HDAC8: variants seen among roughly 807,000 people sequenced by gnomAD.
The protein encoded by HDAC8 is histone deacetylase-like 1.
A neutral mutation model predicts 32.2 loss-of-function variants in HDAC8; 1 was observed. That is an observed-to-expected ratio of 0.03 (90% confidence interval 0.01 to 0.15). HDAC8 has a LOEUF of 0.15. Among genes scored for constraint, HDAC8 ranks in the 10% least tolerant of loss-of-function variants. The pLI is 1.00. For missense variants in HDAC8, 117 were observed against 300.0 expected, an observed-to-expected ratio of 0.39 and a Z score of 4.51; for synonymous variants, 108 against 113.9, an observed-to-expected ratio of 0.95 and a Z score of 0.33.
chrX:72,448,485 A>G (rs890379667), intron 9 of HDAC8, among the ~76,000 whole-genome samples: 2 of 112,397 alleles, frequency 1.8e-5, no homozygotes, highest in Non-Finnish European at 3.7e-5. Context: ...AAAACTCTAG[A>G]AGAAAACCTA....
rs782491926 is a variant in HDAC8 at position 72,534,143 on chromosome X, C to T, written c.437+33746G>A. On this transcript the variant is annotated intron_variant, in intron 4 of 10. Coordinates refer to ENST00000373573, the MANE Select transcript of HDAC8 (RefSeq NM_018486.3). Reference sequence around the variant, plus strand: ...AAGGAGTCTACTAAAAAAACTATCACTTCTAATAGTTATAGTTCAGCAAGA... The same window carrying T: ...AAGGAGTCTACTAAAAAAACTATCATTTCTAATAGTTATAGTTCAGCAAGA... Among the ~76,000 whole-genome samples the T allele has an allele frequency of 1.0e-4, 11 of 109,773 alleles. No individual in the cohort carries two copies. The East Asian group carries it at 3.1e-3, about 31-fold the overall frequency.
At chrX:72,374,229 T>C (rs1216385750) in intron 9 of HDAC8, among the ~76,000 whole-genome samples, 1 of 111,470 alleles carries the variant, frequency 9.0e-6, no homozygotes, top group Non-Finnish European at 1.9e-5. Flanking sequence ...AAAAAAGTTT[T>C]TGTAGAGATG....
At chrX:72,460,445 T>A (rs2047836817) in intron 9 of HDAC8, among the ~76,000 whole-genome samples, 1 of 111,606 alleles carries the variant, frequency 9.0e-6, no homozygotes, top group African/African-American at 3.3e-5. Flanking sequence ...GCCGAGAACT[T>A]GCATTTTTAA....
At chrX:72,568,102 CA>C in intron 3 of HDAC8, 72 bp from the exon 4 acceptor site, 1 of 978,320 alleles carries the variant, frequency 1.0e-6, no homozygotes. Context: ...TGAGGTGTGA[CA>C]ACAACCTAAC....
intron 4 of HDAC8, among the ~76,000 whole-genome samples, chrX:72,517,383 C>A (rs2049841806): frequency 8.9e-6 from 1 of 111,817 alleles, no homozygotes. Context: ...GTTGTATTTT[C>A]ACTTTCTTGA....
At chrX:72,401,969 G>A (rs920290254) in intron 9 of HDAC8, among the ~76,000 whole-genome samples, 7 of 112,114 alleles carry the variant, frequency 6.2e-5, no homozygotes. Context: ...AAGCAGTGAA[G>A]CCATCTAGTC....
chrX:72,562,191 G>GA lies in HDAC8; in HGVS notation c.437+5697dup, dbSNP rs1465380052. The stretch of plus-strand genomic sequence containing the variant: ...AATCCCACTACTAGGTATCCACCCA[G>GA]AAAAAAAGAAGTCATTATACGAAAA... On this transcript the variant is annotated intron_variant, in intron 4 of 10. Transcript: ENST00000373573. 5.3e-4 allele frequency among the ~76,000 whole-genome samples: 59 copies of GA among 111,555 alleles called. 1 individual carries two copies. Among genetic ancestry groups the GA allele is most frequent in the Non-Finnish European group, 8.3e-4 (44 of 53,047 alleles).
chrX:72,467,399 C>T (rs1227572268), intron 7 of HDAC8: 7 of 111,092 alleles, frequency 6.3e-5, no homozygotes, highest in African/African-American at 2.3e-4. Flanking sequence ...GATTATTGTG[C>T]AATAAAAGTT....
chrX:72,451,862 C>T (rs782116988), intron 9 of HDAC8, among the ~76,000 whole-genome samples: 2 of 111,980 alleles, frequency 1.8e-5, no homozygotes, highest in South Asian at 7.4e-4. Context: ...ATGAGGTGAA[C>T]CCTACTTTCA....
intron 4 of HDAC8, among the ~76,000 whole-genome samples, chrX:72,521,888 T>C (rs971404241): frequency 1.8e-5 from 2 of 111,374 alleles, no homozygotes; most frequent in Non-Finnish European, 3.8e-5. Context: ...TGCGCTCTCA[T>C]GCTGGGCTAG....
At chrX:72,370,551 G>C (rs974399045) in intron 9 of HDAC8, among the ~76,000 whole-genome samples, 1 of 111,745 alleles carries the variant, frequency 8.9e-6, no homozygotes, top group Non-Finnish European at 1.9e-5. Flanking sequence ...AGAAGAGATG[G>C]GGTTTCACCA....
chrX:72,421,392 C>A (rs1160582800), intron 9 of HDAC8, among the ~76,000 whole-genome samples: 1 of 111,396 alleles, frequency 9.0e-6, no homozygotes, highest in African/African-American at 3.3e-5. Flanking sequence ...CCCCTCCCGA[C>A]AGGCTCCAGT....
chrX:72,407,378 G>A (rs1555969013), intron 9 of HDAC8, among the ~76,000 whole-genome samples: 1 of 112,056 alleles, frequency 8.9e-6, no homozygotes, highest in Admixed American at 9.4e-5. Context: ...TTTAATCTGT[G>A]AGGCAGGAAG....
chrX:72,433,531 T>C (rs1410797835), intron 9 of HDAC8, among the ~76,000 whole-genome samples: 1 of 112,176 alleles, frequency 8.9e-6, no homozygotes, highest in East Asian at 2.8e-4. Flanking sequence ...AGCAAGTTTC[T>C]GTTTTGAACA....
At chrX:72,401,620 C>T (rs1433618066) in intron 9 of HDAC8, among the ~76,000 whole-genome samples, 1 of 112,247 alleles carries the variant, frequency 8.9e-6, no homozygotes, top group Non-Finnish European at 1.9e-5. Context: ...TCTCCAATAA[C>T]TAATGATGTT....
chrX:72,532,127 G>A (rs781866413), intron 4 of HDAC8, among the ~76,000 whole-genome samples: 83 of 110,900 alleles, frequency 7.5e-4, no homozygotes, highest in Middle Eastern at 9.3e-3. Flanking sequence ...TGTTGCCCAG[G>A]CTAGCATGCA....
chrX:72,349,839 A>G (rs782183422), intron 10 of HDAC8, among the ~76,000 whole-genome samples: 25 of 111,862 alleles, frequency 2.2e-4, no homozygotes, highest in Admixed American at 3.8e-4. Context: ...ACATATCTGC[A>G]CATATGGAGG....
chrX:72,450,986 T>G (rs1447002010), intron 9 of HDAC8, among the ~76,000 whole-genome samples: 2 of 111,532 alleles, frequency 1.8e-5, no homozygotes, highest in Non-Finnish European at 3.8e-5. Context: ...GCATTTTAGA[T>G]TTTGAATTTC....
At chrX:72,383,220 T>C (rs1253443451) in intron 9 of HDAC8, among the ~76,000 whole-genome samples, 2 of 112,167 alleles carry the variant, frequency 1.8e-5, no homozygotes, top group Non-Finnish European at 3.8e-5. Flanking sequence ...ACATTGACCT[T>C]GAGATCCCCA....
Sources: allele counts gnomAD v4.1 joint callset (sites outside exome capture counted in the v4.1 genomes callset), GRCh38; gene constraint gnomAD v4.1.1; transcripts MANE v1.5; gene names NCBI Gene and HGNC (gene_info 2026-07-23, HGNC 2026-07-21).